RANBP2: variants seen among roughly 807,000 people sequenced by gnomAD.
RANBP2 encodes the protein RAN binding protein 2, also known as E3 SUMO-protein ligase RanBP2.
A neutral mutation model predicts 303.6 loss-of-function variants in RANBP2; 57 were observed. That is an observed-to-expected ratio of 0.19 (90% confidence interval 0.15 to 0.23). The LOEUF (loss-of-function observed/expected upper bound fraction) is 0.23. RANBP2 is among the 10% of genes least tolerant of loss of function. RANBP2 has a pLI of 1.00. For synonymous variants in RANBP2, 1,167 were observed against 1,301.5 expected (o/e 0.90, Z 2.23); for missense variants, 3,138 against 3,780.8 (o/e 0.83, Z 4.46).
At chr2:109,199,637 T>TTAACCC in the RANBP2 span, among the ~76,000 whole-genome samples, 1 of 50 alleles carries the variant, frequency 0.02, no homozygotes. Flanking sequence ...TGGAATGGAA[T>TTAACCC]GGAATGGAAT....
chr2:109,188,099 G>C, the RANBP2 span, among the ~76,000 whole-genome samples: 8 of 152,240 alleles, frequency 5.3e-5, no homozygotes, highest in African/African-American at 1.9e-4. Flanking sequence ...TGTGTGCTCT[G>C]TGCGGTGCTC....
At chr2:109,271,942 G>T in the RANBP2 span, among the ~76,000 whole-genome samples, 1 of 152,222 alleles carries the variant, frequency 6.6e-6, no homozygotes, top group African/African-American at 2.4e-5. Context: ...CCTCCTTTGT[G>T]TGTGTTCTTT....
the RANBP2 span, among the ~76,000 whole-genome samples, chr2:109,395,649 G>A: frequency 2.6e-5 from 4 of 152,172 alleles, no homozygotes; most frequent in Non-Finnish European, 4.4e-5. Context: ...CTCTGTCTCC[G>A]CCGTGAAGGC....
At chr2:108,927,318 G>A in the RANBP2 span, among the ~76,000 whole-genome samples, 3 of 152,318 alleles carry the variant, frequency 2.0e-5, no homozygotes, top group East Asian at 3.9e-4. Context: ...CAAGATTCCA[G>A]CACTGGAAAG....
chr2:108,783,902 AATC>A lies in RANBP2; in HGVS notation c.*4_*6del, dbSNP rs747494188. The stretch of plus-strand genomic sequence containing the variant: ...TATCACAGAATGTGGACAGATATAA[AATC>A]ATTGTTGTTCATAGAAAATTTCATC... On this transcript the variant is annotated 3_prime_UTR_variant, in exon 29 of 29. Coordinates refer to ENST00000283195, the MANE Select transcript of RANBP2 (RefSeq NM_006267.5). 11 of 1,606,958 alleles carry A rather than the reference AATC, an allele frequency of 6.8e-6. No homozygotes were observed. Among genetic ancestry groups the A allele is most frequent in the African/African-American group, 6.7e-5 (5 of 74,766 alleles).
the RANBP2 span, among the ~76,000 whole-genome samples, chr2:108,946,897 T>C: frequency 6.6e-6 from 1 of 151,262 alleles, no homozygotes; most frequent in Non-Finnish European, 1.5e-5. Flanking sequence ...AAATCTCATC[T>C]TTTTTTTCAC....
chr2:108,948,481 ACTAC>A, the RANBP2 span, among the ~76,000 whole-genome samples: 5 of 152,356 alleles, frequency 3.3e-5, no homozygotes, highest in African/African-American at 1.2e-4. Context: ...CTATAAAGAT[ACTAC>A]CTGAGACTGG....
intron 9 of RANBP2, among the ~76,000 whole-genome samples, chr2:108,750,556 C>CCTTTTTT (rs1553488706): frequency 7.4e-6 from 1 of 135,364 alleles, no homozygotes; most frequent in Non-Finnish European, 1.6e-5. Context: ...AAGCACATAA[C>CCTTTTTT]CTTTTCTTTT....
intron 25 of RANBP2, 69 bp from the exon 26 acceptor site, chr2:108,781,200 A>G: frequency 6.8e-7 from 1 of 1,478,538 alleles, no homozygotes; most frequent in Non-Finnish European, 9.4e-7. Flanking sequence ...AGGGATTGAT[A>G]AAATAAGAGG....
At chr2:108,817,049 G>A in the RANBP2 span, among the ~76,000 whole-genome samples, 1 of 152,110 alleles carries the variant, frequency 6.6e-6, no homozygotes, top group Non-Finnish European at 1.5e-5. Flanking sequence ...TGGGAATTAA[G>A]TTTCAACATG....
chr2:109,383,228 G>A, the RANBP2 span, among the ~76,000 whole-genome samples: 8 of 152,362 alleles, frequency 5.3e-5, 1 homozygote, highest in Admixed American at 5.2e-4. Flanking sequence ...CTTCTTGGCT[G>A]AGGTCCAGGG....
At chr2:109,024,783 G>C in the RANBP2 span, among the ~76,000 whole-genome samples, 1 of 152,112 alleles carries the variant, frequency 6.6e-6, no homozygotes, top group African/African-American at 2.4e-5. Flanking sequence ...GAAAATATTA[G>C]AACTTTAACT....
chr2:108,733,257 CTTTTTTTTTTTTTT>C (rs34665362), intron 4 of RANBP2, among the ~76,000 whole-genome samples: 22 of 85,022 alleles, frequency 2.6e-4, no homozygotes, highest in African/African-American at 9.2e-4. Context: ...TAACCATTCC[CTTTTTTTTTTTTTT>C]TTTTTTTTTT....
chr2:109,704,794 T>C, the RANBP2 span, among the ~76,000 whole-genome samples: 3 of 152,040 alleles, frequency 2.0e-5, no homozygotes, highest in Non-Finnish European at 4.4e-5. Context: ...GAGGTTGCAG[T>C]GGGCCGAGAT....
chr2:109,614,800 A>T, the RANBP2 span: 16 of 1,470,474 alleles, frequency 1.1e-5, no homozygotes, highest in South Asian at 1.8e-4. Flanking sequence ...GCCGAGCCCG[A>T]GGCCCCCGAC....
chr2:109,680,141 C>A, the RANBP2 span, among the ~76,000 whole-genome samples: 4 of 148,688 alleles, frequency 2.7e-5, no homozygotes, highest in African/African-American at 1.0e-4. Context: ...GTCAGGAGAT[C>A]GAGACCATCC....
chr2:109,679,918 A>T, the RANBP2 span, among the ~76,000 whole-genome samples: 1 of 152,258 alleles, frequency 6.6e-6, no homozygotes, highest in African/African-American at 2.4e-5. Context: ...CAAGAGGCAA[A>T]TCGCCAGTGT....
At chr2:108,732,702 A>C (rs925996990) in intron 4 of RANBP2, among the ~76,000 whole-genome samples, 6 of 152,280 alleles carry the variant, frequency 3.9e-5, no homozygotes, top group African/African-American at 9.6e-5. Flanking sequence ...TTTTGTAGTG[A>C]TGCTATTTAC....
the RANBP2 span, among the ~76,000 whole-genome samples, chr2:109,293,229 C>T: frequency 1.7e-4 from 26 of 152,168 alleles, no homozygotes; most frequent in African/African-American, 4.6e-4. Flanking sequence ...TTAGGGCACC[C>T]GTAGGAGGGA....
Sources: gnomAD v4.1 joint callset for allele counts (sites outside exome capture counted in the v4.1 genomes callset) on GRCh38, gnomAD v4.1.1 for gene constraint, MANE v1.5 for transcripts, NCBI Gene and HGNC (gene_info 2026-07-23, HGNC 2026-07-21) for gene names.